The following CCDC83 variants were observed in gnomAD, a reference collection of about 807,000 sequenced individuals.
The protein encoded by CCDC83 is coiled-coil domain-containing protein 83.
In CCDC83, 54 loss-of-function variants were observed where a neutral mutation model predicts 50.1. That is an observed-to-expected ratio of 1.08 (90% CI 0.87 to 1.35). The LOEUF is 1.35. CCDC83 is among the 40% of genes most tolerant of loss of function. The pLI is 0.00. For missense variants in CCDC83, 518 were observed against 473.9 expected (o/e 1.09, Z -0.86); for synonymous variants, 161 against 153.3 (o/e 1.05, Z -0.37).
intron 6 of CCDC83, among the ~76,000 whole-genome samples, chr11:85,897,117 G>C (rs539369139): frequency 2.0e-5 from 3 of 152,268 alleles, no homozygotes; most frequent in Admixed American, 6.5e-5. Flanking sequence ...TCGGACCATA[G>C]TTAGACGATT....
Position 85,887,574 on chromosome 11 carries a change from T to A in CCDC83, c.511+1207T>A, listed in dbSNP as rs2093332988. ...TCTTCTTCTGAAAAGAGAACAAGAG[T>A]GCCAGCCTGCTACTCCCTCTGTCCG... On this transcript the variant is annotated intron_variant, in intron 5 of 10. Coordinates refer to ENST00000342404, the MANE Select transcript of CCDC83 (RefSeq NM_001286159.2). Among the ~76,000 whole-genome samples, 3 of 152,164 alleles carry A rather than the reference T, an allele frequency of 2.0e-5. No individual in the cohort carries two copies. In the South Asian group the frequency reaches 6.2e-4, roughly 32 times the overall value.
chr11:85,879,114 A>G (rs1298993879), intron 3 of CCDC83, among the ~76,000 whole-genome samples: 1 of 152,186 alleles, frequency 6.6e-6, no homozygotes, highest in Non-Finnish European at 1.5e-5. Flanking sequence ...TCTGTAACAG[A>G]GTAAAAGTTT....
chr11:85,900,042 G>A (rs753220592), intron 7 of CCDC83, among the ~76,000 whole-genome samples: 12 of 152,324 alleles, frequency 7.9e-5, no homozygotes, highest in Non-Finnish European at 1.2e-4. Flanking sequence ...GTTGTTGGAT[G>A]AAACGAGAAG....
intron 7 of CCDC83, among the ~76,000 whole-genome samples, chr11:85,908,360 A>T (rs2093434441): frequency 6.6e-6 from 1 of 152,068 alleles, no homozygotes; most frequent in South Asian, 2.1e-4. Context: ...CTATAATCCC[A>T]GGTGTGATGA....
At chr11:85,877,967 CTAAAA>C (rs1467289624) in intron 3 of CCDC83, among the ~76,000 whole-genome samples, 2 of 152,020 alleles carry the variant, frequency 1.3e-5, no homozygotes, top group African/African-American at 2.4e-5. Flanking sequence ...ACATGTCAAA[CTAAAA>C]TAATTCAATT....
intron 4 of CCDC83, among the ~76,000 whole-genome samples, chr11:85,885,728 G>C (rs2093323765): frequency 6.6e-6 from 1 of 152,198 alleles, no homozygotes; most frequent in African/African-American, 2.4e-5. Context: ...ATGAACTTTA[G>C]ATGACTGAAT....
At chr11:85,875,548 G>C (rs1225754972) in intron 3 of CCDC83, among the ~76,000 whole-genome samples, 2 of 152,158 alleles carry the variant, frequency 1.3e-5, no homozygotes, top group Non-Finnish European at 2.9e-5. Context: ...ACCTAAGTTG[G>C]AATATTGTGT....
intron 2 of CCDC83, among the ~76,000 whole-genome samples, chr11:85,865,492 T>C (rs1011829340): frequency 5.3e-5 from 8 of 152,264 alleles, no homozygotes; most frequent in Non-Finnish European, 8.8e-5. Flanking sequence ...TGATGTACTA[T>C]TGGCTCCTTC....
At chr11:85,865,290 C>A in intron 2 of CCDC83, 72 bp downstream of exon 2, 1 of 895,116 alleles carries the variant, frequency 1.1e-6, no homozygotes, top group Non-Finnish European at 1.8e-6. Context: ...CATATAACTG[C>A]AAATGCAAAC....
intron 4 of CCDC83, 89 bp downstream of exon 4, chr11:85,882,764 A>T: frequency 8.0e-7 from 1 of 1,254,994 alleles, no homozygotes; most frequent in Non-Finnish European, 1.1e-6. Context: ...TATGTTCAAA[A>T]TGCTGTTAAG....
At chr11:85,886,019 A>C (rs970701267) in intron 4 of CCDC83, among the ~76,000 whole-genome samples, 181 bp from the exon 5 acceptor site, 4 of 152,296 alleles carry the variant, frequency 2.6e-5, no homozygotes, top group African/African-American at 9.6e-5. Context: ...TTAGATTTTG[A>C]ATCAGGGGAG....
intron 4 of CCDC83, among the ~76,000 whole-genome samples, chr11:85,884,668 C>T (rs1362303542): frequency 6.6e-6 from 1 of 152,122 alleles, no homozygotes; most frequent in Non-Finnish European, 1.5e-5. Flanking sequence ...AAACAAAAAT[C>T]TCTGGGGCGT....
chr11:85,874,098 A>C (rs1410886565), intron 3 of CCDC83, among the ~76,000 whole-genome samples: 2 of 152,016 alleles, frequency 1.3e-5, no homozygotes, highest in East Asian at 3.9e-4. Context: ...CCTCAATTTC[A>C]CTCTTGTAAA....
chr11:85,868,220 A>T (rs1230150325), intron 2 of CCDC83, among the ~76,000 whole-genome samples: 1 of 152,218 alleles, frequency 6.6e-6, no homozygotes. Context: ...TCTCTGAATA[A>T]TGATGGTTTT....
intron 2 of CCDC83, among the ~76,000 whole-genome samples, chr11:85,867,310 G>T (rs1468635210): frequency 2.0e-5 from 3 of 152,098 alleles, no homozygotes; most frequent in African/African-American, 4.8e-5. Context: ...GGGATTTCAG[G>T]CATGAGCCAC....
At chr11:85,905,606 G>A (rs188741834) in intron 7 of CCDC83, among the ~76,000 whole-genome samples, 18 of 147,876 alleles carry the variant, frequency 1.2e-4, no homozygotes, top group Admixed American at 3.4e-4. Context: ...GCCAGACTCA[G>A]ACTCAAAAAA....
chr11:85,872,384 C>T (rs2093243620), intron 2 of CCDC83, among the ~76,000 whole-genome samples: 1 of 152,054 alleles, frequency 6.6e-6, no homozygotes, highest in African/African-American at 2.4e-5. Flanking sequence ...ACTCGGGAGG[C>T]TGAGGCAGGA....
At chr11:85,888,299 AGGGGGTGGTATCC>A (rs2093336359) in intron 5 of CCDC83, among the ~76,000 whole-genome samples, 1 of 152,214 alleles carries the variant, frequency 6.6e-6, no homozygotes, top group African/African-American at 2.4e-5. Context: ...CTTCAGCAAC[AGGGGGTGGTATCC>A]AAATTTTTGT....
At position 85,919,613 on chromosome 11, in the gene CCDC83, AC is replaced by A; in HGVS notation, c.*105del. 1.2e-6 allele frequency: 1 copy of A among 801,906 alleles called. No homozygotes were observed. Among genetic ancestry groups the A allele is most frequent in the Non-Finnish European group, 2.0e-6 (1 of 494,956 alleles). 49.7% of individuals were successfully genotyped at this position (801,906 alleles called of 1,614,324 possible). On this transcript the variant is annotated 3_prime_UTR_variant, in exon 11 of 11. Coordinates refer to ENST00000342404, the MANE Select transcript of CCDC83 (RefSeq NM_001286159.2). ...TACTTACACTTTGGCTCATTTTTAA[AC>A]CAGCTGTTATTTCTAAAGGTCATAT...
Sources: gnomAD v4.1 joint callset for allele counts (sites outside exome capture counted in the v4.1 genomes callset) on GRCh38, gnomAD v4.1.1 for gene constraint, MANE v1.5 for transcripts, NCBI Gene and HGNC (gene_info 2026-07-23, HGNC 2026-07-21) for gene names.